ACTR8: variants seen among roughly 807,000 people sequenced by gnomAD.
The protein encoded by ACTR8 is actin related protein 8, also known as actin-related protein 8.
ACTR8 carries 70 observed loss-of-function variants against 84.3 expected under a neutral mutation model. The ratio of observed to expected loss-of-function variants is 0.83; its 90% confidence interval spans 0.68 to 1.01. ACTR8 has a LOEUF of 1.01. ACTR8 is among the 50% of genes least tolerant of loss of function. The pLI is 0.00. For missense variants in ACTR8, 672 were observed against 775.4 expected (o/e 0.87, Z 1.58); for synonymous variants, 268 against 275.2 (o/e 0.97, Z 0.26).
intron 3 of ACTR8, 48 bp from the exon 4 acceptor site, chr3:53,877,799 G>T (rs780385641): frequency 2.0e-6 from 3 of 1,530,456 alleles, no homozygotes; most frequent in South Asian, 1.1e-5. Context: ...TTCAAGGCGG[G>T]GGCAACATAA....
In ACTR8 at chr3:53,877,545, T is replaced by C. The variant is rs539670413; in HGVS notation, c.510+102A>G. The C allele has an allele frequency of 6.6e-6, 9 of 1,355,760 alleles. No homozygotes were observed. In the South Asian group the frequency reaches 6.8e-5, roughly 10 times the overall value. 84.0% of individuals were successfully genotyped at this position (1,355,760 alleles called of 1,614,324 possible). A position where few individuals can be genotyped will look rare whatever the true frequency, so the allele number is the denominator to read the frequency against. On this transcript the variant is annotated intron_variant, in intron 4 of 12. Transcript: ENST00000335754. ...CTATCTGGTACTCAAAGCAGGGTTATAGAACGCTAGGAAACAACTAGGACT... is the reference window on the plus strand; with the variant it reads ...CTATCTGGTACTCAAAGCAGGGTTACAGAACGCTAGGAAACAACTAGGACT...
At position 53,877,323 on chromosome 3, in the gene ACTR8, T is replaced by C; in HGVS notation, c.575A>G (p.Asn192Ser). The change falls in exon 5 of 13, where the codon AAT becomes AGT. Residue 192 changes from asparagine to serine, a missense_variant. Transcript: ENST00000335754. ...AGAGCCCCCAGGGCCTGGGTGAATA[T>C]TTAACTGACCTCTTCTGATAGGCCA... ...IHWPIRRGQL[N>S]IHPGPGGSLT... The C allele has an allele frequency of 6.2e-7, 1 of 1,614,130 alleles. No homozygotes were observed. The highest frequency in any genetic ancestry group is 8.5e-7 in the Non-Finnish European group (1 of 1,179,988).
intron 5 of ACTR8, 64 bp from the exon 6 acceptor site, chr3:53,876,777 CT>C: frequency 1.2e-6 from 1 of 820,616 alleles, no homozygotes; most frequent in Non-Finnish European, 1.9e-6. Context: ...ATTCACACTC[CT>C]TTTTAGAGAG....
downstream of ACTR8, chr3:53,864,960 GGCAGCAGACAAA>G: frequency 6.2e-7 from 1 of 1,614,156 alleles, no homozygotes; most frequent in Non-Finnish European, 8.5e-7. Flanking sequence ...CTCAAAAGAA[GGCAGCAGACAAA>G]GTCGTCTTCC....
downstream of ACTR8, chr3:53,864,873 T>C (rs774690458): frequency 3.7e-6 from 6 of 1,614,102 alleles, no homozygotes; most frequent in Admixed American, 1.7e-5. Context: ...TTCAAAACCA[T>C]TGCAGAAGTG....
chr3:53,881,716 G>T (rs1158401281), intron 1 of ACTR8: 5 of 565,270 alleles, frequency 8.8e-6, no homozygotes, highest in African/African-American at 5.8e-5. Context: ...GGGCAGGAGC[G>T]CACACAACCA....
chr3:53,877,106 T>G, intron 5 of ACTR8, 108 bp downstream of exon 5: 1 of 1,104,910 alleles, frequency 9.1e-7, no homozygotes, highest in Non-Finnish European at 1.2e-6. Context: ...ACCCTGAAGG[T>G]CAAGAATGTT....
rs1184758505 is a variant in ACTR8 at position 53,876,088 on chromosome 3, G to GA, written c.779-9_779-8insT. On this transcript the variant is annotated splice_polypyrimidine_tract_variant and intron_variant, in intron 6 of 12. Transcript: ENST00000335754. Reference sequence around the variant, plus strand: ...CCTGATGGACCACAATCCCTGGGGGGGGAAAAGAAAAGGCAGAGTAGTCAT... The same window carrying GA: ...CCTGATGGACCACAATCCCTGGGGGGAGGAAAAGAAAAGGCAGAGTAGTCAT... 6.3e-7 allele frequency: 1 copy of GA among 1,582,504 alleles called. No homozygotes were observed. The highest frequency in any genetic ancestry group is 1.8e-5 in the Admixed American group (1 of 55,734).
the ACTR8 span, chr3:53,860,401 A>G: frequency 2.2e-6 from 1 of 456,674 alleles, no homozygotes. Flanking sequence ...TGACTGGATT[A>G]CACATGCCAG....
In ACTR8 at chr3:53,880,056, C is replaced by T; in HGVS notation, c.177G>A (p.Arg59=). Residue 59 remains arginine, a synonymous_variant, in exon 2 of 13, where the codon AGG becomes AGA. Transcript: ENST00000335754. ...IVIHPGSTTL[R]IGRATDTLPA... ...GAAGAGTGTCTGTGGCTCGACCAAT[C>T]CTTAAAGTTGTTGAACCTGGATGTA... 6.2e-7 allele frequency: 1 copy of T among 1,614,050 alleles called. No individual in the cohort carries two copies. Among genetic ancestry groups the T allele is most frequent in the African/African-American group, 1.3e-5 (1 of 75,020 alleles).
chr3:53,873,056 A>G lies in ACTR8; in HGVS notation c.1137T>C (p.Phe379=). The G allele has an allele frequency of 6.2e-7, 1 of 1,611,320 alleles. No homozygotes were observed. Among genetic ancestry groups the G allele is most frequent in the Non-Finnish European group, 8.5e-7 (1 of 1,178,344 alleles). ...HPDSPALLYQ[F]RLGDEKLQAP... ...CCTGCAGTTTTTCATCTCCTAATCG[A>G]AACTGGTAAAGCAGGGCAGGAGAAT... Residue 379 remains phenylalanine, a synonymous_variant, in exon 9 of 13, where the codon TTT becomes TTC. Transcript: ENST00000335754.
chr3:53,874,180 AAAT>A (rs1318471708), intron 8 of ACTR8, 28 bp downstream of exon 8: 1 of 1,579,484 alleles, frequency 6.3e-7, no homozygotes, highest in Non-Finnish European at 8.6e-7. Context: ...CTAGAAACAA[AAAT>A]AATCAGCAAT....
At chr3:53,869,915 T>C in intron 12 of ACTR8, 67 bp downstream of exon 12, 1 of 1,564,458 alleles carries the variant, frequency 6.4e-7, no homozygotes, top group South Asian at 1.2e-5. Context: ...TCCCAGGATT[T>C]GATCTGTCCA....
At chr3:53,874,709 G>A (rs1198024687) in intron 7 of ACTR8, among the ~76,000 whole-genome samples, 1 of 151,072 alleles carries the variant, frequency 6.6e-6, no homozygotes, top group Non-Finnish European at 1.5e-5. Flanking sequence ...CTGGGTGACA[G>A]AGTAAGATTC....
At chr3:53,873,243 C>A in intron 8 of ACTR8, 116 bp from the exon 9 acceptor site, 1 of 633,530 alleles carries the variant, frequency 1.6e-6, no homozygotes. Flanking sequence ...CAACCTACAG[C>A]TTTGTACCAC....
chr3:53,874,134 C>T, intron 8 of ACTR8, 77 bp downstream of exon 8: 1 of 1,478,136 alleles, frequency 6.8e-7, no homozygotes, highest in Non-Finnish European at 9.1e-7. Context: ...AATGCTGTTA[C>T]ATTTTTAAGT....
rs744277 is a variant in ACTR8 at position 53,876,091 on chromosome 3, A to T, written c.779-11T>A. On this transcript the variant is annotated splice_polypyrimidine_tract_variant and intron_variant, in intron 6 of 12. Coordinates refer to ENST00000335754, the MANE Select transcript of ACTR8 (RefSeq NM_022899.5). ...GATGGACCACAATCCCTGGGGGGGG[A>T]AAAGAAAAGGCAGAGTAGTCATTAG... 1 of 1,551,946 alleles carries T rather than the reference A, an allele frequency of 6.4e-7. No homozygotes were observed. Among genetic ancestry groups the T allele is most frequent in the Non-Finnish European group, 8.7e-7 (1 of 1,145,656 alleles).
downstream of ACTR8, among the ~76,000 whole-genome samples, chr3:53,864,243 G>A (rs1159380514): frequency 6.6e-6 from 1 of 152,202 alleles, no homozygotes; most frequent in Non-Finnish European, 1.5e-5. Context: ...GGTTTAAAAA[G>A]TTAAGGTTTA....
At chr3:53,861,780 C>A in the ACTR8 span, among the ~76,000 whole-genome samples, 1 of 152,172 alleles carries the variant, frequency 6.6e-6, no homozygotes. Context: ...TTAAGAAAAT[C>A]ACTGAGGAGA....
Sources: allele counts gnomAD v4.1 joint callset (sites outside exome capture counted in the v4.1 genomes callset), GRCh38; gene constraint gnomAD v4.1.1; transcripts MANE v1.5; gene names NCBI Gene and HGNC (gene_info 2026-07-23, HGNC 2026-07-21).